The following FGGY variants were observed in gnomAD, a reference collection of about 807,000 sequenced individuals.
FGGY encodes the protein FGGY carbohydrate kinase domain containing.
In FGGY, 72 loss-of-function variants were observed where a neutral mutation model predicts 71.3. That is an observed-to-expected ratio of 1.01 (90% CI 0.84 to 1.23). The LOEUF (loss-of-function observed/expected upper bound fraction) is 1.23, where lower values mean the gene tolerates loss of function less well. Ranked by LOEUF, FGGY falls within the 50% of genes most tolerant of loss-of-function variation. The pLI is 0.00. For missense variants in FGGY, 668 were observed against 682.3 expected, an observed-to-expected ratio of 0.98 and a Z score of 0.23; for synonymous variants, 251 against 250.3, an observed-to-expected ratio of 1.00 and a Z score of -0.02.
intron 14 of FGGY, among the ~76,000 whole-genome samples, chr1:59,691,241 ATACT>A (rs2097584139): frequency 6.6e-6 from 1 of 152,228 alleles, no homozygotes; most frequent in South Asian, 2.1e-4. Context: ...TTTAATAATG[ATACT>A]TAATAATTCA....
At position 59,505,682 on chromosome 1, in the gene FGGY, C is replaced by A. The variant is rs2094359776; in HGVS notation, c.671-6629C>A. Among the ~76,000 whole-genome samples, 2 of 152,152 alleles carry A rather than the reference C, an allele frequency of 1.3e-5. 1 individual carries two copies. The highest frequency in any genetic ancestry group is 2.9e-5 in the Non-Finnish European group (2 of 68,038). On this transcript the variant is annotated intron_variant, in intron 6 of 15. Transcript: ENST00000303721. ...ACTGAACCTTCCAGTTAATTCAACA[C>A]CCCGCCCCCACTTACCCCTTCCTGG...
chr1:59,536,338 T>C (rs1340220033), intron 7 of FGGY, among the ~76,000 whole-genome samples: 4 of 152,130 alleles, frequency 2.6e-5, no homozygotes, highest in Admixed American at 2.0e-4. Context: ...CAATAATCAA[T>C]AGCTTACCAA....
rs557430713 is a variant in FGGY, at chr1:59,372,121, G to C, written c.466-6628G>C. The stretch of plus-strand genomic sequence containing the variant: ...ACCCTTCAAAAAGTTAATGAATCCA[G>C]GAGCTGGTTTTTTGAAAGGATCAAC... On this transcript the variant is annotated intron_variant, in intron 4 of 15. Coordinates refer to ENST00000303721, the MANE Select transcript of FGGY (RefSeq NM_018291.5). Among the ~76,000 whole-genome samples the C allele has an allele frequency of 2.2e-3, 330 of 152,266 alleles. 1 individual carries two copies. The highest frequency in any genetic ancestry group is 3.8e-3 in the Admixed American group (58 of 15,288).
intron 9 of FGGY, among the ~76,000 whole-genome samples, chr1:59,624,712 A>G (rs2096840857): frequency 6.6e-6 from 1 of 152,172 alleles, no homozygotes; most frequent in African/African-American, 2.4e-5. Context: ...GAAACCCCTT[A>G]TGAAACCATC....
intron 2 of FGGY, among the ~76,000 whole-genome samples, chr1:59,330,222 A>C (rs180706063): frequency 6.6e-6 from 1 of 152,142 alleles, no homozygotes; most frequent in Non-Finnish European, 1.5e-5. Context: ...ACTAGATTTT[A>C]TGTTTCAGGA....
chr1:59,427,168 ACT>A (rs1173419505), intron 5 of FGGY, among the ~76,000 whole-genome samples: 1 of 152,018 alleles, frequency 6.6e-6, no homozygotes, highest in Non-Finnish European at 1.5e-5. Flanking sequence ...GCAAGGAAAG[ACT>A]CTAGCCACAA....
At chr1:59,713,396 C>T (rs937583756) in intron 14 of FGGY, among the ~76,000 whole-genome samples, 7 of 152,154 alleles carry the variant, frequency 4.6e-5, no homozygotes, top group African/African-American at 1.7e-4. Flanking sequence ...CAGCAACACC[C>T]CACTCTACTG....
At chr1:59,614,232 C>T (rs369588883) in intron 9 of FGGY, among the ~76,000 whole-genome samples, 13 of 151,648 alleles carry the variant, frequency 8.6e-5, no homozygotes, top group South Asian at 8.4e-4. Flanking sequence ...TGATGAACAT[C>T]GATGCAAAAA....
intron 14 of FGGY, among the ~76,000 whole-genome samples, chr1:59,732,344 C>A (rs2098043282): frequency 6.6e-6 from 1 of 152,164 alleles, no homozygotes; most frequent in Non-Finnish European, 1.5e-5. Flanking sequence ...TCTTGTGCTC[C>A]TCTGTTTACC....
intron 7 of FGGY, among the ~76,000 whole-genome samples, chr1:59,514,594 A>G (rs1267326193): frequency 6.6e-6 from 1 of 152,188 alleles, no homozygotes; most frequent in Non-Finnish European, 1.5e-5. Context: ...ACAGAGTTGT[A>G]TCTCCCAGAA....
intron 5 of FGGY, among the ~76,000 whole-genome samples, chr1:59,411,634 G>C (rs1330970080): frequency 6.6e-6 from 1 of 152,088 alleles, no homozygotes; most frequent in Admixed American, 6.6e-5. Context: ...ATGCTTTGTA[G>C]GTGGCTTTAT....
chr1:59,346,335 C>T lies in FGGY; in HGVS notation c.402C>T (p.Leu134=), dbSNP rs957312219. 6.2e-7 allele frequency: 1 copy of T among 1,612,146 alleles called. No individual in the cohort carries two copies. Among genetic ancestry groups the T allele is most frequent in the Non-Finnish European group, 8.5e-7 (1 of 1,179,694 alleles). The stretch of plus-strand genomic sequence containing the variant: ...TCAATGAGACCAAGCACAGTGTCCT[C>T]CAGTACGTCGGGGGGGTGATGTCTG... ...NRINETKHSV[L]QYVGGVMSVE... Residue 134 remains leucine (L), a synonymous_variant, in exon 4 of 16, where the codon CTC becomes CTT. Transcript: ENST00000303721.
At chr1:59,661,040 G>A (rs1201641458) in intron 12 of FGGY, among the ~76,000 whole-genome samples, 1 of 152,154 alleles carries the variant, frequency 6.6e-6, no homozygotes, top group Non-Finnish European at 1.5e-5. Flanking sequence ...ATCCAGTGAG[G>A]CTTAGCCACT....
intron 6 of FGGY, among the ~76,000 whole-genome samples, chr1:59,464,794 A>G (rs2092505882): frequency 6.6e-6 from 1 of 152,216 alleles, no homozygotes; most frequent in Admixed American, 6.5e-5. Flanking sequence ...ATTCCTGGAC[A>G]CATACACCTT....
rs1417942690 is a variant in FGGY at position 59,461,886 on chromosome 1, T to TA, written c.670+4811dup. ...ACATGTGCACAATGTGCAGGTTAGT[T>TA]ACATATGTATACATGTGCCATGCTG... On this transcript the variant is annotated intron_variant, in intron 6 of 15. Coordinates refer to ENST00000303721, the MANE Select transcript of FGGY (RefSeq NM_018291.5). 2.6e-5 allele frequency among the ~76,000 whole-genome samples: 4 copies of TA among 152,262 alleles called. No individual in the cohort carries two copies. The East Asian group carries it at 7.7e-4, about 29-fold the overall frequency.
rs1407597982 is a variant in FGGY at position 59,346,286 on chromosome 1, G to A, written c.353G>A (p.Arg118Gln). Residue 118 changes from arginine (R) to glutamine (Q), a missense_variant, in exon 4 of 16, where the codon CGA becomes CAA. Physicochemically the swap from Arg to Gln is conservative, Grantham distance 43. Transcript: ENST00000303721. ...HRNVIMWLDHRAVSQVNRINE... is the reference protein window; with the variant it reads ...HRNVIMWLDHQAVSQVNRINE... ...AACGTCATCATGTGGCTGGACCATCGAGCAGTCAGTCAAGTTAACAGGATC... is the reference window on the plus strand; with the variant it reads ...AACGTCATCATGTGGCTGGACCATCAAGCAGTCAGTCAAGTTAACAGGATC... The A allele has an allele frequency of 2.5e-6, 4 of 1,612,544 alleles. No individual in the cohort carries two copies. Among genetic ancestry groups the A allele is most frequent in the Non-Finnish European group, 3.4e-6 (4 of 1,179,754 alleles).
chr1:59,500,663 CAAAAA>C (rs922111998), intron 6 of FGGY, among the ~76,000 whole-genome samples: 144 of 44,768 alleles, frequency 3.2e-3, no homozygotes, highest in African/African-American at 0.012. Flanking sequence ...GCCTTCTTGC[CAAAAA>C]AAAAAAAAAA....
At chr1:59,517,540 T>C (rs1160821352) in intron 7 of FGGY, among the ~76,000 whole-genome samples, 1 of 152,144 alleles carries the variant, frequency 6.6e-6, no homozygotes, top group African/African-American at 2.4e-5. Context: ...GTTGCTCTTA[T>C]CTGGCAGACA....
chr1:59,739,988 T>C (rs1302127150), intron 14 of FGGY, among the ~76,000 whole-genome samples: 2 of 152,198 alleles, frequency 1.3e-5, no homozygotes, highest in African/African-American at 4.8e-5. Context: ...GCAGGTTAGC[T>C]ACATCCATCT....
Sources: gnomAD v4.1 joint callset for allele counts (sites outside exome capture counted in the v4.1 genomes callset) on GRCh38, gnomAD v4.1.1 for gene constraint, MANE v1.5 for transcripts, NCBI Gene and HGNC (gene_info 2026-07-23, HGNC 2026-07-21) for gene names.